The following CNTN5 variants were observed in gnomAD, a reference collection of about 807,000 sequenced individuals.
CNTN5 encodes contactin-5.
CNTN5 carries 77 observed loss-of-function variants against 129.1 expected under a neutral mutation model. The ratio of observed to expected loss-of-function variants is 0.60; its 90% CI spans 0.50 to 0.72. The LOEUF is 0.72. CNTN5 is among the 30% of genes least tolerant of loss of function. The probability of loss-of-function intolerance (pLI) is 0.00; values close to 1 mark genes in which losing one functional copy is unlikely to be tolerated. For synonymous variants in CNTN5, 509 were observed against 465.6 expected (o/e 1.09, Z -1.20); for missense variants, 1,478 against 1,328.8 (o/e 1.11, Z -1.75).
intron 2 of CNTN5, among the ~76,000 whole-genome samples, chr11:99,403,153 C>G (rs553990065): frequency 6.6e-6 from 1 of 151,832 alleles, no homozygotes; most frequent in Non-Finnish European, 1.5e-5. Flanking sequence ...ACTACAGGCG[C>G]CTACCACCAT....
intron 13 of CNTN5, among the ~76,000 whole-genome samples, chr11:100,169,829 T>C (rs1947770228): frequency 6.6e-6 from 1 of 152,004 alleles, no homozygotes; most frequent in African/African-American, 2.4e-5. Flanking sequence ...AATACAAATG[T>C]CTATGCTCAT....
chr11:99,042,116 TTATATA>T (rs1307244240), intron 1 of CNTN5, among the ~76,000 whole-genome samples: 1 of 152,180 alleles, frequency 6.6e-6, no homozygotes, highest in Non-Finnish European at 1.5e-5. Context: ...GCATGTATCA[TTATATA>T]TAATTATTTG....
Position 99,479,805 on chromosome 11 carries a change from GA to G in CNTN5, c.-70-76331del, listed in dbSNP as rs973956893. On this transcript the variant is annotated intron_variant, in intron 2 of 24. Coordinates refer to ENST00000524871, the MANE Select transcript of CNTN5 (RefSeq NM_014361.4). ...ACAGATGTATATGTTTTGAGGTAAA[GA>G]AAAAAAAACATTTTATAAATGGTCT... Among the ~76,000 whole-genome samples, 1,398 of 149,110 alleles carry G rather than the reference GA, an allele frequency of 9.4e-3. 15 individuals are homozygous for G. The highest frequency in any genetic ancestry group is 0.032 in the African/African-American group (1,300 of 40,846).
Position 100,285,062 on chromosome 11 carries a change from A to G in CNTN5, c.2315-12563A>G, listed in dbSNP as rs560083396. Among the ~76,000 whole-genome samples, 115 of 152,342 alleles carry G rather than the reference A, an allele frequency of 7.5e-4. 1 individual carries two copies. Among genetic ancestry groups the G allele is most frequent in the African/African-American group, 2.6e-3 (107 of 41,580 alleles). ...CATTCTATTAAATAAGATTTTTTAA[A>G]TGCATGTAAAGAGCTTAGCATAGTG... On this transcript the variant is annotated intron_variant, in intron 18 of 24. Coordinates refer to ENST00000524871, the MANE Select transcript of CNTN5 (RefSeq NM_014361.4).
chr11:99,932,026 G>T (rs1484165163), intron 7 of CNTN5, among the ~76,000 whole-genome samples: 1 of 151,942 alleles, frequency 6.6e-6, no homozygotes, highest in Non-Finnish European at 1.5e-5. Flanking sequence ...ATCCTTTTTT[G>T]AGTCTCCTGT....
intron 13 of CNTN5, among the ~76,000 whole-genome samples, chr11:100,127,552 T>G (rs1946232010): frequency 6.6e-6 from 1 of 152,038 alleles, no homozygotes; most frequent in African/African-American, 2.4e-5. Context: ...GTATAATTAT[T>G]TTTCTATGTT....
At chr11:99,675,787 C>A (rs1032881561) in intron 3 of CNTN5, among the ~76,000 whole-genome samples, 19 of 151,916 alleles carry the variant, frequency 1.3e-4, no homozygotes, top group Admixed American at 5.9e-4. Flanking sequence ...GCACATAGCC[C>A]CTGCAGTTGT....
In CNTN5 at chr11:99,819,646, G is replaced by C. The variant is rs752165707; in HGVS notation, c.158G>C (p.Arg53Pro). 5.0e-6 allele frequency: 8 copies of C among 1,612,872 alleles called. No individual in the cohort carries two copies. In the Admixed American group the frequency reaches 1.2e-4, roughly 24 times the overall value. ...SSLFGSKTRPRYSSPSLGTLS... is the reference protein window; with the variant it reads ...SSLFGSKTRPPYSSPSLGTLS... ...CTCTTTGGTTCCAAAACCAGACCACGATACAGCAGCCCTTCATTAGGAACA... is the reference window on the plus strand; with the variant it reads ...CTCTTTGGTTCCAAAACCAGACCACCATACAGCAGCCCTTCATTAGGAACA... The change falls in exon 4 of 25, where the codon CGA (arginine) becomes CCA (proline). Residue 53 changes from arginine (R) to proline (P), a missense_variant. Physicochemically the swap from Arg to Pro is moderately radical, Grantham distance 103 (BLOSUM62 -2). Transcript: ENST00000524871.
In CNTN5 at chr11:100,350,879, T is replaced by A. The variant is rs763047131; in HGVS notation, c.3199+9T>A. 1.1e-5 allele frequency: 17 copies of A among 1,537,114 alleles called. No individual in the cohort carries two copies. The highest frequency in any genetic ancestry group is 2.3e-5 in the East Asian group (1 of 43,098). ...GGTACCATCATATTCAGGTAAGTTT[T>A]GACACAGTAGATTTAATTTGCTGAC... On this transcript the variant is annotated intron_variant, in intron 24 of 24. Coordinates refer to ENST00000524871, the MANE Select transcript of CNTN5 (RefSeq NM_014361.4).
intron 6 of CNTN5, among the ~76,000 whole-genome samples, chr11:99,890,933 G>A (rs758542144): frequency 6.6e-5 from 10 of 151,674 alleles, no homozygotes; most frequent in Non-Finnish European, 8.8e-5. Context: ...AGATAATGGG[G>A]GAAAAAAATC....
intron 6 of CNTN5, among the ~76,000 whole-genome samples, chr11:99,883,687 C>T (rs1465392978): frequency 6.6e-6 from 1 of 152,136 alleles, no homozygotes; most frequent in African/African-American, 2.4e-5. Flanking sequence ...ATGTATGAAC[C>T]TGGAGTTTAT....
intron 7 of CNTN5, among the ~76,000 whole-genome samples, chr11:99,938,459 A>T (rs922551810): frequency 2.0e-5 from 3 of 152,160 alleles, no homozygotes; most frequent in African/African-American, 7.2e-5. Context: ...TTCTTGGAGC[A>T]ATCAGCTCTT....
chr11:100,150,952 A>G (rs764885243), intron 13 of CNTN5, among the ~76,000 whole-genome samples: 1 of 152,134 alleles, frequency 6.6e-6, no homozygotes, highest in Admixed American at 6.6e-5. Flanking sequence ...AAGAAGAGGA[A>G]GAGAGACCAG....
intron 1 of CNTN5, among the ~76,000 whole-genome samples, chr11:99,129,087 G>A (rs990367693): frequency 2.6e-5 from 4 of 152,146 alleles, no homozygotes; most frequent in East Asian, 1.9e-4. Context: ...GCCACAGAAC[G>A]GGGATGAAGT....
At chr11:99,747,365 A>C (rs913973318) in intron 3 of CNTN5, among the ~76,000 whole-genome samples, 4 of 151,934 alleles carry the variant, frequency 2.6e-5, no homozygotes, top group African/African-American at 9.7e-5. Context: ...AAACAGATAC[A>C]ATTTTACTTC....
At chr11:99,879,515 A>T (rs955249080) in intron 6 of CNTN5, among the ~76,000 whole-genome samples, 1 of 152,200 alleles carries the variant, frequency 6.6e-6, no homozygotes, top group South Asian at 2.1e-4. Flanking sequence ...CAGAGAATGA[A>T]ATGCTACAGG....
At chr11:99,806,003 C>A (rs1946257274) in intron 3 of CNTN5, among the ~76,000 whole-genome samples, 1 of 152,190 alleles carries the variant, frequency 6.6e-6, no homozygotes, top group African/African-American at 2.4e-5. Context: ...ACTAGTAATA[C>A]ACATTTTCAA....
At chr11:99,262,587 G>T (rs1862688606) in intron 1 of CNTN5, among the ~76,000 whole-genome samples, 1 of 147,938 alleles carries the variant, frequency 6.8e-6, no homozygotes, top group Non-Finnish European at 1.5e-5. Flanking sequence ...GCTTATCATA[G>T]ACTTCTTTGT....
At chr11:100,031,664 A>AT (rs1227327951) in intron 9 of CNTN5, among the ~76,000 whole-genome samples, 1 of 152,182 alleles carries the variant, frequency 6.6e-6, no homozygotes, top group Non-Finnish European at 1.5e-5. Flanking sequence ...CTGCTGATTA[A>AT]TATCTTGCTA....
Sources: gnomAD v4.1 joint callset for allele counts (sites outside exome capture counted in the v4.1 genomes callset) on GRCh38, gnomAD v4.1.1 for gene constraint, MANE v1.5 for transcripts, NCBI Gene and HGNC (gene_info 2026-07-23, HGNC 2026-07-21) for gene names.